Variants in RIF1 observed in about 807,000 individuals in gnomAD.
The protein encoded by RIF1 is replication timing regulatory factor 1, also known as telomere-associated protein RIF1.
In RIF1, 45 loss-of-function variants were observed where a neutral mutation model predicts 247.1. The observed-to-expected ratio is 0.18, with a 90% CI of 0.14 to 0.23. The LOEUF (loss-of-function observed/expected upper bound fraction) is 0.23, where lower values mean the gene tolerates loss of function less well. Ranked by LOEUF, RIF1 falls within the 10% of genes least tolerant of loss-of-function variation. The probability of loss-of-function intolerance (pLI) is 1.00; values close to 1 mark genes in which losing one functional copy is unlikely to be tolerated. For missense variants in RIF1, 2,967 were observed against 2,862.5 expected (o/e 1.04, Z -0.83); for synonymous variants, 1,087 against 978.8 (o/e 1.11, Z -2.06).
chr2:151,457,986 A>G (rs1695477649), intron 24 of RIF1, 23 bp downstream of exon 24: 14 of 1,521,686 alleles, frequency 9.2e-6, no homozygotes, highest in Non-Finnish European at 1.2e-5. Context: ...CAAAACTTAT[A>G]TACAACTAAC....
exon 11 of RIF1, chr2:151,499,392 T>C: frequency 6.6e-7 from 1 of 1,509,870 alleles, no homozygotes; most frequent in Non-Finnish European, 9.0e-7. Context: ...ATACAACACC[T>C]GTATGACACA....
At chr2:151,523,610 T>G in the RIF1 span, among the ~76,000 whole-genome samples, 1 of 152,362 alleles carries the variant, frequency 6.6e-6, no homozygotes, top group African/African-American at 2.4e-5. Context: ...AGCTAAAGTC[T>G]GAAAACCTGT....
intron 8 of RIF1, among the ~76,000 whole-genome samples, chr2:151,425,880 C>A (rs929535383): frequency 2.0e-5 from 3 of 151,266 alleles, no homozygotes; most frequent in Admixed American, 2.0e-4. Flanking sequence ...GGTTTTACCA[C>A]GTTGGCCAGG....
chr2:151,518,380 G>A, the RIF1 span: 3 of 1,612,448 alleles, frequency 1.9e-6, no homozygotes, highest in South Asian at 3.3e-5. Flanking sequence ...GGTATGGTGT[G>A]GTAGTGGCCT....
In RIF1 at chr2:151,463,835, C is replaced by CAAAAAA. The variant is rs767284433; in HGVS notation, c.4317_4322dup (p.Lys1440_Lys1441dup). ...AAGCCAAGATAAGGAAAATAGTCAT[C>CAAAAAA]AAAAAAAGGAACGACGTAAGGAAGA... On this transcript the variant is annotated inframe_insertion, in exon 30 of 36. Transcript: ENST00000444746. 4.4e-6 allele frequency: 7 copies of CAAAAAA among 1,608,958 alleles called. No individual in the cohort carries two copies. The highest frequency in any genetic ancestry group is 5.9e-6 in the Non-Finnish European group (7 of 1,178,818).
chr2:151,493,349 A>AT, intron 9 of RIF1: 1 of 1,601,882 alleles, frequency 6.2e-7, no homozygotes, highest in Non-Finnish European at 8.6e-7. Context: ...GTCCTAGAAA[A>AT]TACCGAGCTA....
At chr2:151,514,266 CAAAG>C in the RIF1 span, 14 of 1,302,474 alleles carry the variant, frequency 1.1e-5, no homozygotes, top group Non-Finnish European at 1.4e-5. Context: ...ATTTGGCTAA[CAAAG>C]AAATGATGCT....
At chr2:151,423,970 G>GCAC (rs1389492867) in intron 8 of RIF1, among the ~76,000 whole-genome samples, 1 of 152,036 alleles carries the variant, frequency 6.6e-6, no homozygotes, top group Non-Finnish European at 1.5e-5. Context: ...CCCTCCTCCT[G>GCAC]CACCCAGACA....
chr2:151,423,292 G>A (rs959906502), intron 8 of RIF1: 2 of 386,110 alleles, frequency 5.2e-6, no homozygotes, highest in African/African-American at 4.3e-5. Context: ...CTGAGGTCAA[G>A]CAAGGTTACG....
chr2:151,491,002 T>C (rs1021586966), intron 9 of RIF1, among the ~76,000 whole-genome samples: 1 of 151,888 alleles, frequency 6.6e-6, no homozygotes, highest in Admixed American at 6.6e-5. Context: ...AAAACTGGAG[T>C]ATAAATCCTT....
At chr2:151,524,847 T>C in the RIF1 span, among the ~76,000 whole-genome samples, 1 of 151,748 alleles carries the variant, frequency 6.6e-6, no homozygotes, top group Non-Finnish European at 1.5e-5. Context: ...TTTGTGTTTT[T>C]AGTAGAGACA....
In RIF1 at chr2:151,497,716, C is replaced by T. The variant is rs2061221130; in HGVS notation, c.*514-1629C>T. ...CCTTGCCCATGTTTTCTTTGTATAA[C>T]ACCTGTGCGATAAGAAAGCATCCAG... On this transcript the variant is annotated intron_variant and NMD_transcript_variant, in intron 10 of 13. Coordinates refer to the RIF1 transcript ENST00000454583. 1 of 1,573,644 alleles carries T rather than the reference C, an allele frequency of 6.4e-7. No homozygotes were observed. The highest frequency in any genetic ancestry group is 1.3e-5 in the African/African-American group (1 of 74,188).
chr2:151,449,132 C>G (rs1476999819), intron 20 of RIF1, among the ~76,000 whole-genome samples: 1 of 152,158 alleles, frequency 6.6e-6, no homozygotes, highest in African/African-American at 2.4e-5. Context: ...ATAAATGGGT[C>G]TGTTCTTCCC....
chr2:151,431,304 C>T (rs1465551323), intron 9 of RIF1, among the ~76,000 whole-genome samples: 2 of 152,166 alleles, frequency 1.3e-5, no homozygotes, highest in Non-Finnish European at 2.9e-5. Flanking sequence ...AAATAGCCTT[C>T]TAAGAATCTT....
Position 151,460,056 on chromosome 2 carries a change from A to G in RIF1, c.3012A>G (p.Gly1004=). 3 of 1,574,058 alleles carry G rather than the reference A, an allele frequency of 1.9e-6. No homozygotes were observed. Among genetic ancestry groups the G allele is most frequent in the Non-Finnish European group, 2.6e-6 (3 of 1,154,744 alleles). ...GTGGCATGGAGAGAAAATCAAATGG[A>G]AAAAGAGATTCATTTTTGGCACAAA... ...KISGMERKSN[G]KRDSFLAQTK... The change falls in exon 26 of 36, where the codon GGA becomes GGG. Residue 1004 remains glycine (G), a synonymous_variant. Coordinates refer to ENST00000444746, the MANE Select transcript of RIF1 (RefSeq NM_018151.5).
chr2:151,435,317 C>A, intron 10 of RIF1, 146 bp from the exon 11 acceptor site: 1 of 591,096 alleles, frequency 1.7e-6, no homozygotes, highest in Admixed American at 2.7e-5. Flanking sequence ...TTTCCAAATT[C>A]CACTTTTTAG....
rs1234254323 is a variant in RIF1 at position 151,468,006 on chromosome 2, C to T, written c.6607C>T (p.Arg2203Cys). The T allele has an allele frequency of 5.6e-6, 9 of 1,603,804 alleles. No homozygotes were observed. The highest frequency in any genetic ancestry group is 1.7e-4 in the Middle Eastern group (1 of 6,034). Residue 2203 changes from arginine to cysteine, a missense_variant, in exon 31 of 36, where the codon CGT (arginine) becomes TGT (cysteine). By Grantham distance (180) the Arg-to-Cys change is radical. Transcript: ENST00000444746. ...EISSPVNKVRRVSFADPIYQA... is the reference protein window; with the variant it reads ...EISSPVNKVRCVSFADPIYQA... ...TCCTGACCTGTGTTTTCAGGTTCGC[C>T]GTGTCTCCTTTGCAGATCCAATATA...
chr2:151,512,425 A>G (rs565999392), downstream of RIF1, among the ~76,000 whole-genome samples: 8 of 151,906 alleles, frequency 5.3e-5, no homozygotes, highest in East Asian at 1.4e-3. Context: ...GCCTGGGCTC[A>G]ATTGATCTTC....
At chr2:151,426,425 T>C (rs113658777) in intron 8 of RIF1, among the ~76,000 whole-genome samples, 1 of 151,244 alleles carries the variant, frequency 6.6e-6, no homozygotes, top group African/African-American at 2.4e-5. Flanking sequence ...CCTCCCGCCT[T>C]GGCCTCCCAA....
Sources: gnomAD v4.1 joint callset for allele counts (sites outside exome capture counted in the v4.1 genomes callset) on GRCh38, gnomAD v4.1.1 for gene constraint, MANE v1.5 for transcripts, NCBI Gene and HGNC (gene_info 2026-07-23, HGNC 2026-07-21) for gene names.